The following BCKDHB variants were observed in gnomAD, a reference collection of about 807,000 sequenced individuals.
BCKDHB encodes branched chain keto acid dehydrogenase E1 subunit beta, also known as 2-oxoisovalerate dehydrogenase subunit beta, mitochondrial.
A neutral mutation model predicts 48.5 loss-of-function variants in BCKDHB; 41 were observed. The observed-to-expected ratio is 0.85, with a 90% CI of 0.66 to 1.10. BCKDHB has a LOEUF of 1.10. Among genes scored for constraint, BCKDHB ranks in the 50% least tolerant of loss-of-function variants. BCKDHB has a pLI of 0.00. For synonymous variants in BCKDHB, 201 were observed against 174.8 expected (o/e 1.15, Z -1.18); for missense variants, 496 against 494.2 (o/e 1.00, Z -0.03).
chr6:80,366,828 G>A, the BCKDHB span, among the ~76,000 whole-genome samples: 2 of 152,150 alleles, frequency 1.3e-5, no homozygotes, highest in African/African-American at 2.4e-5. Flanking sequence ...CTCTCTCAAA[G>A]GTTATCAGAA....
intron 8 of BCKDHB, among the ~76,000 whole-genome samples, chr6:80,204,312 A>G (rs747945437): frequency 6.6e-6 from 1 of 152,140 alleles, no homozygotes; most frequent in Non-Finnish European, 1.5e-5. Flanking sequence ...GACACCATCT[A>G]AACACTTGAC....
the BCKDHB span, among the ~76,000 whole-genome samples, chr6:80,409,546 TATAAATCTGG>T: frequency 7.6e-6 from 1 of 131,588 alleles, no homozygotes; most frequent in African/African-American, 2.9e-5. Context: ...GGACTTGCTT[TATAAATCTGG>T]GTGCTCTTGT....
At chr6:80,145,717 G>T (rs1000080120) in intron 3 of BCKDHB, among the ~76,000 whole-genome samples, 2 of 152,186 alleles carry the variant, frequency 1.3e-5, no homozygotes, top group Non-Finnish European at 2.9e-5. Flanking sequence ...TTACAAGACA[G>T]TAGTGGGCTG....
chr6:80,401,994 G>A, the BCKDHB span, among the ~76,000 whole-genome samples: 1 of 151,672 alleles, frequency 6.6e-6, no homozygotes, highest in Non-Finnish European at 1.5e-5. Context: ...GTGTTCTACA[G>A]TGTCTTTATC....
chr6:80,328,526 A>G (rs1185652131), intron 9 of BCKDHB, among the ~76,000 whole-genome samples: 3 of 152,208 alleles, frequency 2.0e-5, no homozygotes, highest in Non-Finnish European at 4.4e-5. Flanking sequence ...GCTGATTGGA[A>G]TTAACTTATA....
chr6:80,416,266 A>G, the BCKDHB span, among the ~76,000 whole-genome samples: 1 of 133,938 alleles, frequency 7.5e-6, no homozygotes, highest in Admixed American at 7.3e-5. Context: ...TTTTCTTTGT[A>G]TGTCAATCTT....
chr6:80,413,638 G>A, the BCKDHB span, among the ~76,000 whole-genome samples: 14 of 152,212 alleles, frequency 9.2e-5, no homozygotes, highest in African/African-American at 2.6e-4. Context: ...TATCATTCTC[G>A]TTATGCCTGC....
chr6:80,136,810 C>T (rs1283264305), intron 3 of BCKDHB, among the ~76,000 whole-genome samples: 2 of 151,920 alleles, frequency 1.3e-5, no homozygotes, highest in Non-Finnish European at 2.9e-5. Context: ...ACATTTCTCC[C>T]AAATTGATAA....
intron 9 of BCKDHB, 158 bp from the exon 10 acceptor site, chr6:80,343,506 G>A: frequency 3.9e-6 from 3 of 777,892 alleles, no homozygotes; most frequent in Non-Finnish European, 6.2e-6. Flanking sequence ...ATGCGAACAT[G>A]CTGTTACCTG....
the BCKDHB span, chr6:80,465,895 G>A: frequency 6.6e-6 from 1 of 152,154 alleles, no homozygotes; most frequent in Non-Finnish European, 1.5e-5. Context: ...ATGAAGGGTA[G>A]ATGCTTTGTG....
At chr6:80,221,033 A>G (rs1775426287) in intron 8 of BCKDHB, among the ~76,000 whole-genome samples, 1 of 152,008 alleles carries the variant, frequency 6.6e-6, no homozygotes, top group Non-Finnish European at 1.5e-5. Flanking sequence ...GCACCTGGCT[A>G]TTTGCCTGAT....
the BCKDHB span, among the ~76,000 whole-genome samples, chr6:80,369,591 A>G: frequency 2.0e-5 from 3 of 152,214 alleles, no homozygotes; most frequent in African/African-American, 7.2e-5. Flanking sequence ...GGCATGTGGA[A>G]AGACTAAAAC....
chr6:80,279,866 T>A (rs1201030235), intron 9 of BCKDHB, among the ~76,000 whole-genome samples: 1 of 152,162 alleles, frequency 6.6e-6, no homozygotes, highest in African/African-American at 2.4e-5. Flanking sequence ...CATGTTAGAA[T>A]GGAATATTCA....
chr6:80,259,965 C>T (rs1455743879), intron 8 of BCKDHB, among the ~76,000 whole-genome samples: 1 of 152,198 alleles, frequency 6.6e-6, no homozygotes, highest in Non-Finnish European at 1.5e-5. Context: ...ATCTTATCCT[C>T]ATCATTTAGG....
At chr6:80,130,333 A>G (rs529424535) in intron 3 of BCKDHB, among the ~76,000 whole-genome samples, 2 of 152,294 alleles carry the variant, frequency 1.3e-5, no homozygotes, top group South Asian at 4.1e-4. Flanking sequence ...CATACGGGGC[A>G]AGAGGAGTGA....
chr6:80,286,742 T>A (rs1036614769), intron 9 of BCKDHB, among the ~76,000 whole-genome samples: 1 of 152,180 alleles, frequency 6.6e-6, no homozygotes, highest in Non-Finnish European at 1.5e-5. Flanking sequence ...TTTAAATTGA[T>A]AAGTGTTTCA....
chr6:80,374,065 T>C, the BCKDHB span: 2 of 684,416 alleles, frequency 2.9e-6, no homozygotes, highest in South Asian at 1.4e-5. Flanking sequence ...TGGGATATCT[T>C]TTTCTTCTGG....
rs1403923839 is a variant in BCKDHB at position 80,256,534 on chromosome 6, T to C, written c.952-16601T>C. On this transcript the variant is annotated intron_variant, in intron 8 of 9. Coordinates refer to ENST00000320393, the MANE Select transcript of BCKDHB (RefSeq NM_183050.4). ...TCCACTGTTGACCAAAATTTAGTTATGGGCATGACTGTATATACACACACA... is the reference window on the plus strand; with the variant it reads ...TCCACTGTTGACCAAAATTTAGTTACGGGCATGACTGTATATACACACACA... Among the ~76,000 whole-genome samples, 3 of 152,216 alleles carry C rather than the reference T, an allele frequency of 2.0e-5. No homozygotes were observed. In the East Asian group the frequency reaches 5.8e-4, roughly 29 times the overall value.
At chr6:80,370,240 T>A in the BCKDHB span, among the ~76,000 whole-genome samples, 9 of 152,228 alleles carry the variant, frequency 5.9e-5, no homozygotes, top group East Asian at 1.4e-3. Context: ...AAAGACCAGA[T>A]CTCTATGTGG....
Sources: gnomAD v4.1 joint callset for allele counts (sites outside exome capture counted in the v4.1 genomes callset) on GRCh38, gnomAD v4.1.1 for gene constraint, MANE v1.5 for transcripts, NCBI Gene and HGNC (gene_info 2026-07-23, HGNC 2026-07-21) for gene names.